Variants in ALDH1L2 observed in about 807,000 individuals in gnomAD.
ALDH1L2 encodes aldehyde dehydrogenase 1 family member L2.
Under a neutral mutation model 111.0 loss-of-function variants are expected in ALDH1L2, and 91 were observed. The observed-to-expected ratio is 0.82, with a 90% CI of 0.69 to 0.98. The LOEUF (loss-of-function observed/expected upper bound fraction) is 0.98, where lower values mean the gene tolerates loss of function less well. Ranked by LOEUF, ALDH1L2 falls within the 50% of genes least tolerant of loss-of-function variation. ALDH1L2 has a pLI of 0.00. For synonymous variants in ALDH1L2, 374 were observed against 392.6 expected (o/e 0.95, Z 0.56); for missense variants, 995 against 1,126.8 (o/e 0.88, Z 1.67).
chr12:105,082,752 A>G (rs1378890547), intron 1 of ALDH1L2, among the ~76,000 whole-genome samples: 32 of 152,226 alleles, frequency 2.1e-4, no homozygotes, highest in Non-Finnish European at 2.9e-5. Context: ...TGATAGGTTT[A>G]TGTTTAACTA....
At chr12:105,074,087 G>A in intron 1 of ALDH1L2, 82 bp from the exon 2 acceptor site, 1 of 1,537,926 alleles carries the variant, frequency 6.5e-7, no homozygotes, top group Non-Finnish European at 8.9e-7. Flanking sequence ...GATAGCTATT[G>A]GGTACGATGT....
chr12:105,026,794 T>C, intron 21 of ALDH1L2, 50 bp from the exon 22 acceptor site: 1 of 1,590,650 alleles, frequency 6.3e-7, no homozygotes, highest in Non-Finnish European at 8.6e-7. Flanking sequence ...AGCAAAAGAC[T>C]CATTTTATGT....
intron 20 of ALDH1L2, 21 bp from the exon 21 acceptor site, chr12:105,030,450 A>G: frequency 6.3e-7 from 1 of 1,593,674 alleles, no homozygotes; most frequent in Non-Finnish European, 8.6e-7. Flanking sequence ...AAAACAAAGA[A>G]AAAATGTCAA....
chr12:105,052,024 G>A lies in ALDH1L2; in HGVS notation c.1535+66C>T, dbSNP rs946044769. On this transcript the variant is annotated intron_variant, in intron 12 of 22. Transcript: ENST00000258494. ...GGAATTTGAGACCAGCCTGGCCAAC[G>A]TAGTGAACCCCTGTCTCTACCAGAG... is the stretch of plus-strand genomic sequence containing the variant. 1.1e-4 allele frequency: 145 copies of A among 1,353,476 alleles called. 1 individual carries two copies. Among genetic ancestry groups the A allele is most frequent in the Admixed American group, 2.6e-4 (9 of 34,544 alleles). The allele number at this position is 1,353,476 out of a possible 1,614,324, so 83.8% of individuals were successfully genotyped here.
chr12:105,059,224 G>A lies in ALDH1L2; in HGVS notation c.1140-1004C>T, dbSNP rs540846613. Among the ~76,000 whole-genome samples, 22 of 151,264 alleles carry A rather than the reference G, an allele frequency of 1.5e-4. No homozygotes were observed. The East Asian group carries it at 3.7e-3, about 25-fold the overall frequency. The stretch of plus-strand genomic sequence containing the variant: ...GGAGGTTGCAGTGAGCCAAGATTGC[G>A]CCACTGCACTCCAGCCTGGCGACAG... On this transcript the variant is annotated intron_variant, in intron 9 of 22. Coordinates refer to ENST00000258494, the MANE Select transcript of ALDH1L2 (RefSeq NM_001034173.4).
chr12:105,030,258 A>G, intron 21 of ALDH1L2, 66 bp downstream of exon 21: 2 of 1,247,736 alleles, frequency 1.6e-6, no homozygotes, highest in Non-Finnish European at 2.3e-6. Context: ...TATATAGCAC[A>G]GTGGCAAAGG....
Position 105,040,644 on chromosome 12 carries a change from G to T in ALDH1L2, c.1914C>A (p.Gly638=). Residue 638 remains glycine (G), a synonymous_variant, in exon 16 of 23, where the codon GGC becomes GGA. Transcript: ENST00000258494. ...TGATGTTGATGACCCCCTTTGGAAA[G>T]CCTGCTTTCACAGACAGTTCTGCAA... The part of the protein sequence containing the change: ...LKFAELSVKA[G]FPKGVINIIP... 6.2e-7 allele frequency: 1 copy of T among 1,614,084 alleles called. No homozygotes were observed. The highest frequency in any genetic ancestry group is 8.5e-7 in the Non-Finnish European group (1 of 1,179,992).
intron 5 of ALDH1L2, 127 bp downstream of exon 5, chr12:105,066,441 T>TCTA: frequency 1.3e-6 from 1 of 756,544 alleles, no homozygotes. Flanking sequence ...TGGCTACCTG[T>TCTA]CTACTCTAAC....
At chr12:105,054,653 C>A (rs1476404300) in intron 10 of ALDH1L2, among the ~76,000 whole-genome samples, 1 of 152,168 alleles carries the variant, frequency 6.6e-6, no homozygotes, top group East Asian at 1.9e-4. Flanking sequence ...TGCCTGGCAG[C>A]TCCCTGGAAA....
chr12:105,036,448 CAT>C (rs1166987391), intron 18 of ALDH1L2, among the ~76,000 whole-genome samples: 5 of 77,486 alleles, frequency 6.5e-5, no homozygotes, highest in Admixed American at 1.7e-4. Flanking sequence ...TATATATATC[CAT>C]ATATATGTGT....
chr12:105,070,333 C>G (rs1231156128), intron 3 of ALDH1L2, among the ~76,000 whole-genome samples: 1 of 152,098 alleles, frequency 6.6e-6, no homozygotes, highest in Admixed American at 6.5e-5. Context: ...TTCAAGCATG[C>G]CTAGTTTCTT....
intron 1 of ALDH1L2, among the ~76,000 whole-genome samples, chr12:105,083,349 A>G (rs1469772771): frequency 6.6e-6 from 1 of 150,538 alleles, no homozygotes; most frequent in Non-Finnish European, 1.5e-5. Flanking sequence ...CGTTTTATAA[A>G]AGGTGACTAT....
At chr12:105,057,355 AC>A (rs1367198642) in intron 10 of ALDH1L2, among the ~76,000 whole-genome samples, 1 of 152,186 alleles carries the variant, frequency 6.6e-6, no homozygotes, top group African/African-American at 2.4e-5. Flanking sequence ...TTTGGCAGTT[AC>A]TCAAAAAAGT....
chr12:105,067,164 C>T (rs1290855913), intron 4 of ALDH1L2, among the ~76,000 whole-genome samples: 4 of 146,322 alleles, frequency 2.7e-5, no homozygotes, highest in Admixed American at 7.0e-5. Context: ...TGCAGTGAGC[C>T]GAGATCACAC....
intron 2 of ALDH1L2, 40 bp downstream of exon 2, chr12:105,073,821 C>A: frequency 1.2e-6 from 2 of 1,612,246 alleles, no homozygotes; most frequent in Non-Finnish European, 1.7e-6. Context: ...TTGGTAAGGA[C>A]CTGAGAATTC....
At position 105,062,881 on chromosome 12, in the gene ALDH1L2, C is replaced by T. The variant is rs144208388; in HGVS notation, c.921+7G>A. The T allele has an allele frequency of 8.4e-4, 1,351 of 1,608,986 alleles. 13 individuals carry two copies. The African/African-American group carries it at 0.016, about 20-fold the overall frequency. On this transcript the variant is annotated splice_region_variant and intron_variant, in intron 7 of 22. Coordinates refer to ENST00000258494, the MANE Select transcript of ALDH1L2 (RefSeq NM_001034173.4). ...TTATTTCATAGGCAGCCATATTTAA[C>T]ACTCACTGCTTTTCCATCGTTACCA...
Position 105,046,437 on chromosome 12 carries a change from A to G in ALDH1L2, c.1863+273T>C, listed in dbSNP as rs558602202. 2.6e-5 allele frequency among the ~76,000 whole-genome samples: 4 copies of G among 151,566 alleles called. No individual in the cohort carries two copies. In the South Asian group the frequency reaches 6.2e-4, roughly 24 times the overall value. On this transcript the variant is annotated intron_variant, in intron 15 of 22. Coordinates refer to ENST00000258494, the MANE Select transcript of ALDH1L2 (RefSeq NM_001034173.4). Reference sequence around the variant, plus strand: ...GTTGGGCACTTGGCATTTTGCAAGAATTGAATTGGTTCGTAGAAAGTCATT... The same window carrying G: ...GTTGGGCACTTGGCATTTTGCAAGAGTTGAATTGGTTCGTAGAAAGTCATT...
Position 105,034,375 on chromosome 12 carries a change from G to T in ALDH1L2, c.2169C>A (p.Asn723Lys). The change falls in exon 19 of 23, where the codon AAC becomes AAA. Residue 723 changes from asparagine (N) to lysine (K), a missense_variant. Transcript: ENST00000258494. ...CAGCAGCAATACAGTTCTCTCCTTT[G>T]TTGAAAAATACTGCTCCCATGCCCT... ...VRMGMGAVFFNKGENCIAAGR... is the reference protein window; with the variant it reads ...VRMGMGAVFFKKGENCIAAGR... 2 of 1,610,624 alleles carry T rather than the reference G, an allele frequency of 1.2e-6. No homozygotes were observed. Among genetic ancestry groups the T allele is most frequent in the Non-Finnish European group, 8.5e-7 (1 of 1,179,148 alleles).
intron 3 of ALDH1L2, among the ~76,000 whole-genome samples, chr12:105,070,109 C>T (rs755414921): frequency 5.9e-5 from 9 of 152,170 alleles, no homozygotes; most frequent in African/African-American, 1.7e-4. Flanking sequence ...CATTAAAGCC[C>T]GTATTAATAG....
Sources: allele counts gnomAD v4.1 joint callset (sites outside exome capture counted in the v4.1 genomes callset), GRCh38; gene constraint gnomAD v4.1.1; transcripts MANE v1.5; gene names NCBI Gene and HGNC (gene_info 2026-07-23, HGNC 2026-07-21).